FRAS1: variants seen among roughly 807,000 people sequenced by gnomAD.
FRAS1 encodes Fraser extracellular matrix complex subunit 1.
FRAS1 carries 290 observed loss-of-function variants against 435.2 expected under a neutral mutation model. The ratio of observed to expected loss-of-function variants is 0.67; its 90% confidence interval spans 0.61 to 0.73. The LOEUF (loss-of-function observed/expected upper bound fraction) is 0.73. Among genes scored for constraint, FRAS1 ranks in the 30% least tolerant of loss-of-function variants. The pLI is 0.00. For missense variants in FRAS1, 4,860 were observed against 5,001.5 expected, an observed-to-expected ratio of 0.97 and a Z score of 0.85; for synonymous variants, 1,800 against 1,851.0, an observed-to-expected ratio of 0.97 and a Z score of 0.71.
chr4:78,448,208 C>G lies in FRAS1; in HGVS notation c.6166C>G (p.Leu2056Val). The G allele has an allele frequency of 6.2e-7, 1 of 1,613,438 alleles. No homozygotes were observed. The highest frequency in any genetic ancestry group is 8.5e-7 in the Non-Finnish European group (1 of 1,179,824). ...GGTCGTGGATGAGTTCCAGTTCTCC[C>G]TCACTGATGGCCTCCACGTGGACAC... Reference protein sequence around the residue: ...GMVVDEFQFSLTDGLHVDTGR... With the variant: ...GMVVDEFQFSVTDGLHVDTGR... The change falls in exon 44 of 74, where the codon CTC becomes GTC. Residue 2056 changes from leucine to valine, a missense_variant. Coordinates refer to ENST00000512123, the MANE Select transcript of FRAS1 (RefSeq NM_025074.7).
chr4:78,099,040 T>A (rs1010258159), intron 2 of FRAS1, among the ~76,000 whole-genome samples: 1 of 152,200 alleles, frequency 6.6e-6, no homozygotes, highest in Non-Finnish European at 1.5e-5. Flanking sequence ...CAACTTCCTC[T>A]CTGTTTCCAA....
At chr4:78,169,744 A>G (rs1479437103) in intron 2 of FRAS1, among the ~76,000 whole-genome samples, 1 of 147,724 alleles carries the variant, frequency 6.8e-6, no homozygotes, top group Admixed American at 6.9e-5. Flanking sequence ...TATTAGCGTC[A>G]AATGTTTTCT....
At chr4:78,340,397 C>A (rs56350158) in intron 20 of FRAS1, among the ~76,000 whole-genome samples, 1 of 152,162 alleles carries the variant, frequency 6.6e-6, no homozygotes, top group African/African-American at 2.4e-5. Flanking sequence ...ATTGAACTTT[C>A]AGAGAACTGT....
At chr4:78,162,469 A>G (rs796569788) in intron 2 of FRAS1, among the ~76,000 whole-genome samples, 5 of 152,316 alleles carry the variant, frequency 3.3e-5, no homozygotes, top group African/African-American at 1.2e-4. Flanking sequence ...CTGAGCAACC[A>G]CTGTCCTTTC....
chr4:78,513,189 G>A lies in FRAS1; in HGVS notation c.10014-203G>A, dbSNP rs3792608. Among the ~76,000 whole-genome samples, 46,899 of 152,000 alleles carry A rather than the reference G, an allele frequency of 0.31. 7,735 individuals carry two copies. Among genetic ancestry groups the A allele is most frequent in the South Asian group, 0.52 (2,511 of 4,816 alleles). On this transcript the variant is annotated intron_variant, in intron 64 of 73. Coordinates refer to ENST00000512123, the MANE Select transcript of FRAS1 (RefSeq NM_025074.7). ...CTAGATTACTATCAGTCCTCTGTCT[G>A]GAGGGTCTCTTAGAGGGAAGCAATG...
chr4:78,303,163 G>A (rs1560638927), intron 14 of FRAS1, among the ~76,000 whole-genome samples: 1 of 152,150 alleles, frequency 6.6e-6, no homozygotes, highest in Non-Finnish European at 1.5e-5. Flanking sequence ...AGATAAGATA[G>A]TTGTAGATAT....
intron 59 of FRAS1, among the ~76,000 whole-genome samples, chr4:78,495,520 T>C (rs571202651): frequency 1.3e-5 from 2 of 152,256 alleles, no homozygotes; most frequent in South Asian, 4.1e-4. Flanking sequence ...AGTTATATAT[T>C]TTATGGGAAT....
chr4:78,373,774 A>AAATAATAATAATAAT (rs58619851), intron 24 of FRAS1, among the ~76,000 whole-genome samples: 6 of 151,348 alleles, frequency 4.0e-5, no homozygotes, highest in African/African-American at 1.2e-4. Context: ...ACTCCGTCTT[A>AAATAATAATAATAAT]AATAATAATA....
intron 25 of FRAS1, 35 bp downstream of exon 25, chr4:78,374,286 G>A (rs373854186): frequency 2.0e-5 from 31 of 1,541,972 alleles, no homozygotes; most frequent in Non-Finnish European, 2.5e-5. Flanking sequence ...CTGGAAAGAA[G>A]TGAGGGCAGC....
At chr4:78,403,022 T>C (rs1402588002) in intron 30 of FRAS1, among the ~76,000 whole-genome samples, 1 of 152,188 alleles carries the variant, frequency 6.6e-6, no homozygotes, top group Non-Finnish European at 1.5e-5. Context: ...GTCTACCAGA[T>C]TTTTCCACTC....
chr4:78,430,269 AC>A (rs1238722998), intron 36 of FRAS1, 22 bp from the exon 37 acceptor site: 1 of 1,613,394 alleles, frequency 6.2e-7, no homozygotes, highest in Non-Finnish European at 8.5e-7. Context: ...CTCTCTCACC[AC>A]GCTTCCTTCT....
intron 70 of FRAS1, among the ~76,000 whole-genome samples, chr4:78,531,062 G>T (rs1181034014): frequency 6.6e-6 from 1 of 152,150 alleles, no homozygotes; most frequent in Non-Finnish European, 1.5e-5. Flanking sequence ...CACATCCCTT[G>T]TAAGTTGGAT....
chr4:78,205,561 T>C (rs1723222060), intron 2 of FRAS1, among the ~76,000 whole-genome samples: 2 of 152,240 alleles, frequency 1.3e-5, no homozygotes, highest in Admixed American at 1.3e-4. Flanking sequence ...CTATGTGAAT[T>C]ACTCGAATCA....
chr4:78,188,504 G>A (rs1406362712), intron 2 of FRAS1, among the ~76,000 whole-genome samples: 1 of 152,152 alleles, frequency 6.6e-6, no homozygotes, highest in East Asian at 1.9e-4. Flanking sequence ...CCTCCTCAGG[G>A]AAACTTCAGC....
intron 14 of FRAS1, among the ~76,000 whole-genome samples, chr4:78,300,350 A>G (rs1299385437): frequency 6.6e-6 from 1 of 152,244 alleles, no homozygotes; most frequent in Non-Finnish European, 1.5e-5. Context: ...GGAGTTAAAT[A>G]TAAATGAAGT....
intron 14 of FRAS1, among the ~76,000 whole-genome samples, chr4:78,307,272 G>T (rs1240851524): frequency 6.6e-6 from 1 of 152,262 alleles, no homozygotes; most frequent in African/African-American, 2.4e-5. Context: ...CTTCAAAGCT[G>T]TCAGACAGGG....
At chr4:78,540,095 G>T (rs1197482027) in intron 73 of FRAS1, among the ~76,000 whole-genome samples, 1 of 152,172 alleles carries the variant, frequency 6.6e-6, no homozygotes, top group African/African-American at 2.4e-5. Flanking sequence ...TATGTTTAGT[G>T]AATATTTTGT....
chr4:78,083,584 G>A (rs1330570761), intron 2 of FRAS1, among the ~76,000 whole-genome samples: 2 of 134,626 alleles, frequency 1.5e-5, no homozygotes, highest in Non-Finnish European at 3.2e-5. Flanking sequence ...AAAATACTTC[G>A]TTATTGTTTA....
chr4:78,485,810 C>T (rs535731636), intron 58 of FRAS1, among the ~76,000 whole-genome samples: 20 of 152,322 alleles, frequency 1.3e-4, no homozygotes, highest in South Asian at 6.2e-4. Flanking sequence ...TATCCTACTA[C>T]GCTGACTCTT....
Sources: gnomAD v4.1 joint callset for allele counts (sites outside exome capture counted in the v4.1 genomes callset) on GRCh38, gnomAD v4.1.1 for gene constraint, MANE v1.5 for transcripts, NCBI Gene and HGNC (gene_info 2026-07-23, HGNC 2026-07-21) for gene names.